The following ODF2 variants were observed in gnomAD, a reference collection of about 807,000 sequenced individuals.
ODF2 encodes outer dense fiber of sperm tails 2, also known as outer dense fiber protein 2.
Under a neutral mutation model 110.2 loss-of-function variants are expected in ODF2, and 47 were observed. The observed-to-expected ratio is 0.43, with a 90% CI of 0.34 to 0.54. The LOEUF (loss-of-function observed/expected upper bound fraction) is 0.54, where lower values mean the gene tolerates loss of function less well. ODF2 is among the 20% of genes least tolerant of loss of function. ODF2 has a pLI of 0.03. For synonymous variants in ODF2, 352 were observed against 397.7 expected, an observed-to-expected ratio of 0.89 and a Z score of 1.37; for missense variants, 812 against 1,054.5, an observed-to-expected ratio of 0.77 and a Z score of 3.19.
At chr9:128,463,181 G>C (rs1368193868) in intron 4 of ODF2, among the ~76,000 whole-genome samples, 1 of 152,174 alleles carries the variant, frequency 6.6e-6, no homozygotes, top group Non-Finnish European at 1.5e-5. Context: ...AGGATCACTT[G>C]AGCCAGGGAG....
intron 8 of ODF2, among the ~76,000 whole-genome samples, 179 bp downstream of exon 8, chr9:128,473,920 G>A (rs948489710): frequency 6.6e-6 from 1 of 152,162 alleles, no homozygotes; most frequent in Admixed American, 6.6e-5. Flanking sequence ...CATCTTAGAT[G>A]CCGTTGAATC....
Position 128,494,656 on chromosome 9 carries a change from C to T in ODF2, c.1899C>T (p.Asp633=). ...TCGACCTCACAGCCATCATATCAGA[C>T]CTGCGCAGCCGGGTAAGGGACTGGC... Residue 633 remains aspartate, a synonymous_variant, in exon 17 of 21, where the codon GAC becomes GAT. Transcript: ENST00000604420. This position sits in a 1 kb window ranked among gnomAD's most constrained non-coding sequence, Gnocchi z 4.6. 1 of 1,614,206 alleles carries T rather than the reference C, an allele frequency of 6.2e-7. No homozygotes were observed. The highest frequency in any genetic ancestry group is 1.1e-5 in the South Asian group (1 of 91,086).
intron 1 of ODF2, chr9:128,456,766 G>A: frequency 4.2e-6 from 4 of 944,770 alleles, no homozygotes; most frequent in Non-Finnish European, 5.0e-6. Flanking sequence ...GGCGGGGGGG[G>A]GTCCCGCCCG....
chr9:128,455,553 CAAAAAAAAAAAAAAA>C (rs55634490), upstream of ODF2, among the ~76,000 whole-genome samples: 8 of 56,846 alleles, frequency 1.4e-4, no homozygotes, highest in Middle Eastern at 8.9e-3. Context: ...GAATCTGTCT[CAAAAAAAAAAAAAAA>C]AAAAAAAAAA....
chr9:128,457,601 A>G (rs1306638589), intron 2 of ODF2, among the ~76,000 whole-genome samples: 2 of 152,222 alleles, frequency 1.3e-5, no homozygotes, highest in Non-Finnish European at 2.9e-5. Context: ...AACGAAATGT[A>G]TACACAATCC....
intron 13 of ODF2, 38 bp from the exon 14 acceptor site, chr9:128,487,852 T>G: frequency 6.2e-7 from 1 of 1,610,662 alleles, no homozygotes; most frequent in African/African-American, 1.3e-5. Flanking sequence ...CCTGTGTAAT[T>G]GATTCTCTCT....
rs139298356 is a variant in ODF2 at position 128,486,908 on chromosome 9, T to G, written c.1401-982T>G. Among the ~76,000 whole-genome samples, 623 of 151,938 alleles carry G rather than the reference T, an allele frequency of 4.1e-3. 4 individuals carry two copies. The highest frequency in any genetic ancestry group is 6.9e-3 in the Non-Finnish European group (471 of 67,944). On this transcript the variant is annotated intron_variant, in intron 13 of 20. Transcript: ENST00000604420. ...TAATCCCTGACCACCAGCCTGGGAG[T>G]CCAAGAAGGGATTCCAGAAGCGTCT... is the stretch of plus-strand genomic sequence containing the variant.
chr9:128,460,859 T>G (rs1438089444), intron 3 of ODF2, 83 bp from the exon 4 acceptor site: 1 of 1,586,634 alleles, frequency 6.3e-7, no homozygotes, highest in Non-Finnish European at 8.6e-7. Context: ...AGAGGCACTC[T>G]GCTAGTCGGA....
chr9:128,455,936 C>A, upstream of ODF2: 1 of 1,401,102 alleles, frequency 7.1e-7, no homozygotes, highest in Non-Finnish European at 9.2e-7. Context: ...CGAGACCCGG[C>A]CAGGCCCGCT....
At chr9:128,460,972 A>G in exon 4 of ODF2, 1 of 1,614,198 alleles carries the variant, frequency 6.2e-7, no homozygotes, top group Middle Eastern at 1.6e-4. Context: ...GAAAGGGGAC[A>G]CTGTGAATGT....
At chr9:128,456,173 C>G (rs752242399) in exon 1 of ODF2, 3 of 1,549,274 alleles carry the variant, frequency 1.9e-6, no homozygotes, top group Admixed American at 2.0e-5. Flanking sequence ...GCATCCGCCG[C>G]GGCGTCTCCA....
Position 128,494,736 on chromosome 9 carries a change from C to T in ODF2, c.1911+68C>T, listed in dbSNP as rs987252045. On this transcript the variant is annotated intron_variant, in intron 17 of 20. Transcript: ENST00000604420. This position sits in a 1 kb window ranked among gnomAD's most constrained non-coding sequence, Gnocchi z 4.6. The stretch of plus-strand genomic sequence containing the variant: ...GGGGCCCGCATACCAAGATGAGCTG[C>T]ACGCCCCCCAAGGGAGGACTACTTC... The T allele has an allele frequency of 4.3e-6, 7 of 1,613,868 alleles. No homozygotes were observed. The highest frequency in any genetic ancestry group is 3.4e-6 in the Non-Finnish European group (4 of 1,179,980).
chr9:128,462,292 A>G (rs1836686143), intron 4 of ODF2, among the ~76,000 whole-genome samples: 1 of 151,846 alleles, frequency 6.6e-6, no homozygotes, highest in South Asian at 2.1e-4. Context: ...CTAGGATTAC[A>G]GGCATGCACC....
chr9:128,481,759 C>T (rs1022335719), intron 9 of ODF2, 108 bp downstream of exon 9: 26 of 802,088 alleles, frequency 3.2e-5, no homozygotes, highest in African/African-American at 1.9e-4. Flanking sequence ...TGGAGCATTT[C>T]GCTAGGTCTT....
exon 21 of ODF2, chr9:128,500,376 C>A: frequency 2.2e-6 from 2 of 902,096 alleles, no homozygotes; most frequent in East Asian, 2.4e-5. Flanking sequence ...AGGGTCTTGT[C>A]CTTAGCTACT....
chr9:128,492,345 G>A lies in ODF2; in HGVS notation c.1537-81G>A, dbSNP rs990181087. On this transcript the variant is annotated intron_variant, in intron 14 of 20. Coordinates refer to ENST00000604420, the Ensembl canonical transcript of ODF2. ...AGAGTAGGGGGCCTTTCCTTTTCTGGTTCTTTGGATAGAGTTGAGGGTAGG... is the reference window on the plus strand; with the variant it reads ...AGAGTAGGGGGCCTTTCCTTTTCTGATTCTTTGGATAGAGTTGAGGGTAGG... 5.2e-6 allele frequency: 5 copies of A among 964,446 alleles called. No individual in the cohort carries two copies. The African/African-American group carries it at 8.0e-5, about 15-fold the overall frequency. The allele number at this position is 964,446 out of a possible 1,614,324, so 59.7% of individuals were successfully genotyped here.
chr9:128,472,625 C>G (rs923038382), intron 6 of ODF2, among the ~76,000 whole-genome samples: 1 of 152,156 alleles, frequency 6.6e-6, no homozygotes, highest in South Asian at 2.1e-4. Flanking sequence ...GAGGGCGTGA[C>G]AGTGGAGGGG....
intron 12 of ODF2, 90 bp downstream of exon 12, chr9:128,484,976 G>C (rs1205638060): frequency 1.5e-6 from 2 of 1,313,880 alleles, no homozygotes; most frequent in Non-Finnish European, 2.1e-6. Context: ...GTAGCGGGGA[G>C]GGGTGGGTGG....
At chr9:128,457,943 ATTT>A (rs1181931486) in intron 2 of ODF2, among the ~76,000 whole-genome samples, 328 of 140,452 alleles carry the variant, frequency 2.3e-3, no homozygotes, top group African/African-American at 6.2e-3. Context: ...ATATATATAT[ATTT>A]TTTTTTTTTC....
Sources: gnomAD v4.1 joint callset for allele counts (sites outside exome capture counted in the v4.1 genomes callset) on GRCh38, gnomAD v4.1.1 for gene constraint, Gnocchi (gnomAD v3.1) non-coding constraint, MANE v1.5 for transcripts, NCBI Gene and HGNC (gene_info 2026-07-23, HGNC 2026-07-21) for gene names.